MUC5B: variants seen among roughly 807,000 people sequenced by gnomAD.
MUC5B encodes mucin 5B, oligomeric mucus/gel-forming.
A neutral mutation model predicts 376.9 loss-of-function variants in MUC5B; 116 were observed. The observed-to-expected ratio is 0.31, with a 90% confidence interval of 0.26 to 0.36. MUC5B has a LOEUF of 0.36. Ranked by LOEUF, MUC5B falls within the 10% of genes least tolerant of loss-of-function variation. MUC5B has a pLI of 1.00. For missense variants in MUC5B, 7,165 were observed against 7,769.9 expected, an observed-to-expected ratio of 0.92 and a Z score of 2.93; for synonymous variants, 3,517 against 3,390.9, an observed-to-expected ratio of 1.04 and a Z score of -1.29.
chr11:1,241,103 C>T lies in MUC5B; in HGVS notation c.4223C>T (p.Ala1408Val). 2.5e-6 allele frequency: 4 copies of T among 1,612,010 alleles called. No individual in the cohort carries two copies. Among genetic ancestry groups the T allele is most frequent in the Non-Finnish European group, 3.4e-6 (4 of 1,179,214 alleles). The change falls in exon 31 of 49, where the codon GCC becomes GTC. Residue 1408 changes from alanine to valine, a missense_variant. By Grantham distance (64) the Ala-to-Val change is moderately conservative (BLOSUM62 0). Coordinates refer to ENST00000529681, the MANE Select transcript of MUC5B (RefSeq NM_002458.3). ...DCDRMRGLMC[A>V]NSQQSPPLCH... ...GACCGCATGCGGGGGCTGATGTGCGCCAACAGCCAACAGAGTCCCCCGCTC... is the reference window on the plus strand; with the variant it reads ...GACCGCATGCGGGGGCTGATGTGCGTCAACAGCCAACAGAGTCCCCCGCTC...
chr11:1,231,018 C>T lies in MUC5B; in HGVS notation c.1540+13C>T. ...CCCCTGTCGGCAGGTATGTGGCTCT[C>T]CCAGGACGGCCGGGCTGGGTGGCGC... On this transcript the variant is annotated intron_variant, in intron 13 of 48. Transcript: ENST00000529681. 6.3e-7 allele frequency: 1 copy of T among 1,578,870 alleles called. No homozygotes were observed. Among genetic ancestry groups the T allele is most frequent in the Non-Finnish European group, 8.6e-7 (1 of 1,163,016 alleles).
At chr11:1,256,468 A>G in intron 38 of MUC5B, 1 of 64,408 alleles carries the variant, frequency 1.6e-5, no homozygotes, top group Non-Finnish European at 2.6e-5. Context: ...ACCGAGCCCC[A>G]CCCATCCCCG....
chr11:1,254,932 A>G, intron 35 of MUC5B, 52 bp downstream of exon 35: 1 of 1,231,328 alleles, frequency 8.1e-7, no homozygotes, highest in Non-Finnish European at 1.1e-6. Flanking sequence ...GGGCCTGACA[A>G]CCCAGTGAGC....
chr11:1,235,329 C>G lies in MUC5B; in HGVS notation c.2796C>G (p.His932Gln). The G allele has an allele frequency of 6.2e-7, 1 of 1,612,908 alleles. No homozygotes were observed. The highest frequency in any genetic ancestry group is 8.5e-7 in the Non-Finnish European group (1 of 1,179,742). ...AQDYCGDNTT[H>Q]GTFRIVTENI... is the part of the protein sequence containing the mutation. ...ACTACTGTGGGGACAACACCACCCACGGGACCTTCCGCATCGTCACCGAGA... is the reference window on the plus strand; with the variant it reads ...ACTACTGTGGGGACAACACCACCCAGGGGACCTTCCGCATCGTCACCGAGA... The change falls in exon 23 of 49, where the codon CAC becomes CAG. Residue 932 changes from histidine to glutamine, a missense_variant. Physicochemically the swap from His to Gln is conservative, Grantham distance 24. Coordinates refer to ENST00000529681, the MANE Select transcript of MUC5B (RefSeq NM_002458.3).
At chr11:1,232,963 G>A in intron 17 of MUC5B, 50 bp from the exon 18 acceptor site, 1 of 1,506,968 alleles carries the variant, frequency 6.6e-7, no homozygotes, top group Non-Finnish European at 8.9e-7. Context: ...ATGGGGGCTG[G>A]CCAGGCTGCT....
rs757706516 is a variant in MUC5B, at chr11:1,241,281, C to A, written c.4401C>A (p.Thr1467=). The A allele has an allele frequency of 1.1e-5, 17 of 1,597,866 alleles. No individual in the cohort carries two copies. In the Admixed American group the frequency reaches 2.3e-4, roughly 21 times the overall value. ...AGACCACAGCAACCGAAAAGACCAC[C>A]CTATGGGTGACCCCGAGCATCCGGT... ...PTQTTATEKT[T]LWVTPSIRST... Residue 1467 remains threonine, a synonymous_variant, in exon 31 of 49, where the codon ACC becomes ACA. Transcript: ENST00000529681.
chr11:1,235,860 G>A (rs187492975), intron 23 of MUC5B, among the ~76,000 whole-genome samples: 1 of 151,652 alleles, frequency 6.6e-6, no homozygotes, highest in Non-Finnish European at 1.5e-5. Context: ...AATCCCGTCT[G>A]CAGAGATGCT....
rs557306121 is a variant in MUC5B, at chr11:1,251,263, A to T, written c.14383A>T (p.Thr4795Ser). 6 of 1,610,964 alleles carry T rather than the reference A, an allele frequency of 3.7e-6. 1 individual carries two copies. The South Asian group carries it at 6.6e-5, about 18-fold the overall frequency. The change falls in exon 31 of 49, where the codon ACC (threonine) becomes TCC (serine). Residue 4795 changes from threonine to serine, a missense_variant. Coordinates refer to ENST00000529681, the MANE Select transcript of MUC5B (RefSeq NM_002458.3). Reference sequence around the variant, plus strand: ...CACCCACACCTCCACAGTGCTGACCACCACAGCCACCATGACAAGGGCCAC... The same window carrying T: ...CACCCACACCTCCACAGTGCTGACCTCCACAGCCACCATGACAAGGGCCAC... ...ETTHTSTVLT[T>S]TATMTRATNS...
Position 1,240,162 on chromosome 11 carries a change from C to T in MUC5B, c.3773-16C>T. On this transcript the variant is annotated splice_polypyrimidine_tract_variant and intron_variant, in intron 29 of 48. Transcript: ENST00000529681. The stretch of plus-strand genomic sequence containing the variant: ...GGCTCGGAGGCCCTGGGTGACTCTG[C>T]CGGCTCCATCCCCAGCCTGCACCTG... 1.3e-6 allele frequency: 2 copies of T among 1,584,128 alleles called. No homozygotes were observed. The highest frequency in any genetic ancestry group is 1.7e-6 in the Non-Finnish European group (2 of 1,160,748).
In MUC5B at chr11:1,230,115, A is replaced by G. The variant is rs1036005304; in HGVS notation, c.1331A>G (p.His444Arg). The change falls in exon 11 of 49, where the codon CAT becomes CGT. Residue 444 changes from histidine (H) to arginine (R), a missense_variant. Transcript: ENST00000529681. Reference sequence around the variant, plus strand: ...TATGATGAGAAACTCTACGACCTGCATGGTGACTGCAGCTACGTTCTGTCC... The same window carrying G: ...TATGATGAGAAACTCTACGACCTGCGTGGTGACTGCAGCTACGTTCTGTCC... Reference protein sequence around the residue: ...STYDEKLYDLHGDCSYVLSKK... With the variant: ...STYDEKLYDLRGDCSYVLSKK... 2 of 1,611,578 alleles carry G rather than the reference A, an allele frequency of 1.2e-6. No individual in the cohort carries two copies. The highest frequency in any genetic ancestry group is 3.3e-5 in the Admixed American group (2 of 59,876).
chr11:1,225,279 C>T (rs988568810), intron 1 of MUC5B, among the ~76,000 whole-genome samples: 4 of 152,354 alleles, frequency 2.6e-5, no homozygotes, highest in South Asian at 2.1e-4. Context: ...TGGGATGGGG[C>T]GAAATCCCCC....
chr11:1,232,886 T>C, intron 17 of MUC5B, 116 bp downstream of exon 17: 1 of 1,460,720 alleles, frequency 6.8e-7, no homozygotes, highest in South Asian at 1.4e-5. Context: ...CACTTCCTCA[T>C]CCCAGCCTCG....
rs1862875983 is a variant in MUC5B, at chr11:1,257,622, G to A, written c.16362G>A (p.Gln5454=). 6.2e-7 allele frequency: 1 copy of A among 1,602,570 alleles called. No homozygotes were observed. Among genetic ancestry groups the A allele is most frequent in the Non-Finnish European group, 8.5e-7 (1 of 1,179,244 alleles). ...GCAAGCCCCTGCCCTGTGACGCCCA[G>A]GGTCAGCCCCCGCCGTGCAACCGTC... ...VQCKPLPCDA[Q]GQPPPCNRPG... is the part of the protein sequence containing the mutation. Residue 5454 remains glutamine, a synonymous_variant, in exon 41 of 49, where the codon CAG becomes CAA. Coordinates refer to ENST00000529681, the MANE Select transcript of MUC5B (RefSeq NM_002458.3). The surrounding 1 kb of genome is among the most constrained non-coding windows in gnomAD (Gnocchi z 8.9).
rs1337590627 is a variant in MUC5B at position 1,250,127 on chromosome 11, G to T, written c.13247G>T (p.Gly4416Val). ...ACGGCCACCCCGTCCTCCACCCCAG[G>T]GACCACCTGGATCCTCACAGAGCTG... ...GPTATPSSTP[G>V]TTWILTELTT... The change falls in exon 31 of 49, where the codon GGG (glycine) becomes GTG (valine). Residue 4416 changes from glycine to valine, a missense_variant. By Grantham distance (109) the Gly-to-Val change is moderately radical. This residue lies in a region of MUC5B where 431 missense variants were observed against 390.4 expected (regional missense o/e 1.10). Transcript: ENST00000529681. 5 of 1,594,848 alleles carry T rather than the reference G, an allele frequency of 3.1e-6. No homozygotes were observed. The highest frequency in any genetic ancestry group is 4.3e-6 in the Non-Finnish European group (5 of 1,169,886).
At chr11:1,231,072 G>A (rs1428753634) in intron 13 of MUC5B, 67 bp downstream of exon 13, 2 of 1,466,234 alleles carry the variant, frequency 1.4e-6, no homozygotes, top group Admixed American at 4.0e-5. Flanking sequence ...CCCACAGCCT[G>A]GGCAGCGTCC....
At position 1,229,241 on chromosome 11, in the gene MUC5B, C is replaced by A; in HGVS notation, c.1048C>A (p.Gln350Lys). The stretch of plus-strand genomic sequence containing the variant: ...CTGCACGGACACCTGCTCCAACCCC[C>A]AGCGCGCGCAGCTCTGCGAGGACCA... ...SPCTDTCSNP[Q>K]RAQLCEDHCV... Residue 350 changes from glutamine (Q) to lysine (K), a missense_variant, in exon 9 of 49, where the codon CAG becomes AAG. Around this residue, in one of 31 missense-constraint regions of MUC5B, gnomAD observed 640 missense variants for 733.0 expected, o/e 0.87. Transcript: ENST00000529681. 1 of 1,594,510 alleles carries A rather than the reference C, an allele frequency of 6.3e-7. No individual in the cohort carries two copies. Among genetic ancestry groups the A allele is most frequent in the East Asian group, 2.3e-5 (1 of 43,830 alleles).
At position 1,258,418 on chromosome 11, in the gene MUC5B, T is replaced by A; in HGVS notation, c.16593+51T>A. ...TGGCCCTGGGGCCTGAACATGTGTG[T>A]GGGATGCCCCGGGGCTCTCTGAGCC... On this transcript the variant is annotated intron_variant, in intron 43 of 48. Coordinates refer to ENST00000529681, the MANE Select transcript of MUC5B (RefSeq NM_002458.3). This position sits in a 1 kb window ranked among gnomAD's most constrained non-coding sequence, Gnocchi z 5.5. 1 of 1,600,218 alleles carries A rather than the reference T, an allele frequency of 6.2e-7. No individual in the cohort carries two copies. The highest frequency in any genetic ancestry group is 8.5e-7 in the Non-Finnish European group (1 of 1,172,564).
At chr11:1,238,105 G>A (rs1458902321) in intron 25 of MUC5B, among the ~76,000 whole-genome samples, 2 of 152,316 alleles carry the variant, frequency 1.3e-5, no homozygotes, top group East Asian at 3.9e-4. Context: ...TGACAAAGCT[G>A]AGCCCAGGTT....
chr11:1,254,392 C>T (rs547918475), intron 34 of MUC5B, 41 bp downstream of exon 34: 1 of 1,589,868 alleles, frequency 6.3e-7, no homozygotes, highest in Non-Finnish European at 8.5e-7. Flanking sequence ...GGCCCAGTCC[C>T]AACCGCACCT....
Sources: gnomAD v4.1 joint callset for allele counts (sites outside exome capture counted in the v4.1 genomes callset) on GRCh38, gnomAD v4.1.1 for gene constraint, gnomAD v4.1.1 regional missense constraint, Gnocchi (gnomAD v3.1) non-coding constraint, MANE v1.5 for transcripts, NCBI Gene and HGNC (gene_info 2026-07-23, HGNC 2026-07-21) for gene names.